The following ALDH9A1 variants were observed in gnomAD, a reference collection of about 807,000 sequenced individuals.
The protein encoded by ALDH9A1 is aldehyde dehydrogenase 9 family member A1.
In ALDH9A1, 42 loss-of-function variants were observed where a neutral mutation model predicts 56.6. The observed-to-expected ratio is 0.74, with a 90% confidence interval of 0.58 to 0.96. The LOEUF is 0.96. Ranked by LOEUF, ALDH9A1 falls within the 40% of genes least tolerant of loss-of-function variation. The pLI is 0.00. For missense variants in ALDH9A1, 661 were observed against 651.5 expected (o/e 1.01, Z -0.16); for synonymous variants, 242 against 236.0 (o/e 1.03, Z -0.23).
At chr1:165,685,193 T>G (rs1649668282) in intron 2 of ALDH9A1, among the ~76,000 whole-genome samples, 1 of 152,202 alleles carries the variant, frequency 6.6e-6, no homozygotes, top group Admixed American at 6.5e-5. Context: ...CTGTTCCTCC[T>G]CTATATCACC....
chr1:165,687,077 T>C (rs559070568), intron 2 of ALDH9A1, among the ~76,000 whole-genome samples: 231 of 151,886 alleles, frequency 1.5e-3, no homozygotes, highest in Non-Finnish European at 2.8e-3. Flanking sequence ...TAAAACACTA[T>C]AGAAGACCGA....
intron 2 of ALDH9A1, among the ~76,000 whole-genome samples, chr1:165,690,643 C>T (rs1483765326): frequency 3.9e-5 from 6 of 152,152 alleles, no homozygotes; most frequent in South Asian, 2.1e-4. Context: ...CCTGGGAAAT[C>T]GGGACACTCC....
chr1:165,673,083 A>G (rs1251132449), intron 6 of ALDH9A1, among the ~76,000 whole-genome samples: 3 of 146,410 alleles, frequency 2.0e-5, no homozygotes, highest in African/African-American at 7.6e-5. Flanking sequence ...TATATAAGGA[A>G]CTCACACTAT....
At chr1:165,695,438 C>A in intron 1 of ALDH9A1, 41 bp from the exon 2 acceptor site, 2 of 1,505,110 alleles carry the variant, frequency 1.3e-6, no homozygotes, top group Non-Finnish European at 1.8e-6. Flanking sequence ...CAAATTGTTG[C>A]CACATATTTA....
At chr1:165,678,797 C>G (rs1649450155) in intron 6 of ALDH9A1, among the ~76,000 whole-genome samples, 1 of 152,104 alleles carries the variant, frequency 6.6e-6, no homozygotes, top group Admixed American at 6.5e-5. Flanking sequence ...ATGAATCTAA[C>G]AGAAAACATC....
rs756318964 is a variant in ALDH9A1 at position 165,698,549 on chromosome 1, G to C, written c.10C>G (p.Arg4Gly). 15 of 1,605,086 alleles carry C rather than the reference G, an allele frequency of 9.3e-6. No individual in the cohort carries two copies. The highest frequency in any genetic ancestry group is 4.5e-5 in the East Asian group (2 of 44,322). Residue 4 changes from arginine to glycine, a missense_variant, in exon 1 of 11, where the codon CGA (arginine) becomes GGA (glycine). Coordinates refer to ENST00000354775, the MANE Select transcript of ALDH9A1 (RefSeq NM_000696.4). MFL[R>G]AGLAALSPLL... is the part of the protein sequence containing the mutation. ...GGGGAGAGCGCGGCCAGGCCTGCTC[G>C]GAGAAACATGAGTGGCGGACGCAGC...
At chr1:165,694,973 A>T (rs558062706) in intron 2 of ALDH9A1, among the ~76,000 whole-genome samples, 1 of 151,738 alleles carries the variant, frequency 6.6e-6, no homozygotes, top group South Asian at 2.1e-4. Context: ...AAAAAAAATA[A>T]AAATAAAAAA....
In ALDH9A1 at chr1:165,669,177, T is replaced by C. The variant is rs534408208; in HGVS notation, c.1119+85A>G. 7.1e-6 allele frequency: 10 copies of C among 1,409,574 alleles called. No individual in the cohort carries two copies. In the East Asian group the frequency reaches 2.3e-4, roughly 32 times the overall value. 87.3% of individuals were successfully genotyped at this position (1,409,574 alleles called of 1,614,324 possible). Reference sequence around the variant, plus strand: ...GTCCAATGAATAATAGTCATACGAATATTAACATGAAAAGGGCACAAAGCA... The same window carrying C: ...GTCCAATGAATAATAGTCATACGAACATTAACATGAAAAGGGCACAAAGCA... On this transcript the variant is annotated intron_variant, in intron 7 of 10. Transcript: ENST00000354775.
At chr1:165,667,138 A>G (rs921872384) in intron 9 of ALDH9A1, among the ~76,000 whole-genome samples, 171 bp downstream of exon 9, 6 of 151,614 alleles carry the variant, frequency 4.0e-5, no homozygotes, top group Non-Finnish European at 7.4e-5. Flanking sequence ...CATTTACAGC[A>G]AACTGCAAAA....
At chr1:165,681,754 C>T (rs1649558346) in intron 4 of ALDH9A1, among the ~76,000 whole-genome samples, 1 of 152,158 alleles carries the variant, frequency 6.6e-6, no homozygotes, top group Admixed American at 6.5e-5. Context: ...AGTCAAACTC[C>T]TAAGTGCTAA....
At chr1:165,667,902 A>G (rs1649057081) in intron 8 of ALDH9A1, among the ~76,000 whole-genome samples, 1 of 152,198 alleles carries the variant, frequency 6.6e-6, no homozygotes, top group African/African-American at 2.4e-5. Flanking sequence ...CAACCTACAT[A>G]TAATTGTTTA....
At chr1:165,680,306 C>T (rs371762602) in intron 5 of ALDH9A1, among the ~76,000 whole-genome samples, 181 bp downstream of exon 5, 11 of 152,202 alleles carry the variant, frequency 7.2e-5, no homozygotes, top group African/African-American at 2.4e-4. Flanking sequence ...CATGTGTACT[C>T]CCTTTCCCCC....
intron 5 of ALDH9A1, 73 bp downstream of exon 5, chr1:165,680,414 T>C: frequency 2.7e-6 from 4 of 1,501,370 alleles, no homozygotes; most frequent in Non-Finnish European, 3.6e-6. Context: ...GCCTCCAAAA[T>C]ATACTCTGGG....
At chr1:165,692,527 A>G (rs1292146060) in intron 2 of ALDH9A1, among the ~76,000 whole-genome samples, 1 of 152,010 alleles carries the variant, frequency 6.6e-6, no homozygotes, top group Non-Finnish European at 1.5e-5. Flanking sequence ...GGACCTCTTC[A>G]AGGAGAACTA....
At chr1:165,679,229 G>A (rs1276506215) in intron 6 of ALDH9A1, among the ~76,000 whole-genome samples, 2 of 152,184 alleles carry the variant, frequency 1.3e-5, no homozygotes, top group African/African-American at 4.8e-5. Context: ...ATATGCCTAC[G>A]TATGTACAGG....
Position 165,695,269 on chromosome 1 carries a change from C to T in ALDH9A1, c.310G>A (p.Ala104Thr), listed in dbSNP as rs1461867588. The change falls in exon 2 of 11, where the codon GCT becomes ACT. Residue 104 changes from alanine to threonine, a missense_variant. Physicochemically the swap from Ala to Thr is moderately conservative, Grantham distance 58. Transcript: ENST00000354775. ...GAACATACCCTTATTATCCTGGCAG[C>T]CTCCAAAAGGATTCGGCAACGCTCC... ...GMERCRILLE[A>T]ARIIREREDE... 6.2e-7 allele frequency: 1 copy of T among 1,608,504 alleles called. No homozygotes were observed. The highest frequency in any genetic ancestry group is 1.7e-5 in the Admixed American group (1 of 58,940).
At chr1:165,671,491 T>C (rs1055392390) in intron 6 of ALDH9A1, 2 of 448,548 alleles carry the variant, frequency 4.5e-6, no homozygotes, top group Non-Finnish European at 8.8e-6. Flanking sequence ...AATAAAATCT[T>C]AAGAATTCTT....
chr1:165,690,316 G>A (rs1649849319), intron 2 of ALDH9A1, among the ~76,000 whole-genome samples: 1 of 151,660 alleles, frequency 6.6e-6, no homozygotes, highest in Non-Finnish European at 1.5e-5. Flanking sequence ...ATGACAAAAA[G>A]TCACCACAGA....
chr1:165,663,256 T>C, intron 10 of ALDH9A1, 112 bp from the exon 11 acceptor site: 1 of 876,360 alleles, frequency 1.1e-6, no homozygotes, highest in Non-Finnish European at 1.8e-6. Context: ...ATATAGAACC[T>C]AAATGTTTTG....
Sources: allele counts gnomAD v4.1 joint callset (sites outside exome capture counted in the v4.1 genomes callset), GRCh38; gene constraint gnomAD v4.1.1; transcripts MANE v1.5; gene names NCBI Gene and HGNC (gene_info 2026-07-23, HGNC 2026-07-21).